The following GRIN2A variants were observed in gnomAD, a reference collection of about 807,000 sequenced individuals.
GRIN2A encodes the protein glutamate receptor ionotropic, NMDA 2A.
A neutral mutation model predicts 113.4 loss-of-function variants in GRIN2A; 22 were observed. The observed-to-expected ratio is 0.19, with a 90% CI of 0.14 to 0.28. The LOEUF is 0.28. Ranked by LOEUF, GRIN2A falls within the 10% of genes least tolerant of loss-of-function variation. The probability of loss-of-function intolerance (pLI) is 1.00; values close to 1 mark genes in which losing one functional copy is unlikely to be tolerated. For synonymous variants in GRIN2A, 827 were observed against 738.4 expected (o/e 1.12, Z -1.94); for missense variants, 1,502 against 1,887.0 (o/e 0.80, Z 3.78).
intron 3 of GRIN2A, among the ~76,000 whole-genome samples, chr16:9,910,405 T>C (rs1197783900): frequency 6.6e-6 from 1 of 151,898 alleles, no homozygotes; most frequent in Non-Finnish European, 1.5e-5. Context: ...TAAATGAAAG[T>C]AACAAAGAAA....
intron 5 of GRIN2A, 93 bp from the exon 6 acceptor site, chr16:9,841,197 T>A: frequency 9.0e-7 from 1 of 1,106,332 alleles, no homozygotes. Context: ...TTCAGATGAG[T>A]AAACTGAAGT....
At chr16:9,931,057 A>C (rs1386213856) in intron 3 of GRIN2A, among the ~76,000 whole-genome samples, 1 of 152,202 alleles carries the variant, frequency 6.6e-6, no homozygotes, top group Admixed American at 6.5e-5. Context: ...ACTTCCCTTC[A>C]ATACTAATTC....
At chr16:9,848,129 AAT>A (rs1054307076) in intron 5 of GRIN2A, among the ~76,000 whole-genome samples, 7 of 147,848 alleles carry the variant, frequency 4.7e-5, no homozygotes, top group Non-Finnish European at 7.5e-5. Context: ...TATATATAAA[AAT>A]AGTTTATATA....
At chr16:9,902,978 T>TGG (rs2043960592) in intron 3 of GRIN2A, among the ~76,000 whole-genome samples, 1 of 4,542 alleles carries the variant, frequency 2.2e-4, no homozygotes, top group Non-Finnish European at 4.6e-4. Flanking sequence ...GGTGGGGGGG[T>TGG]GGGTGGGGGT....
intron 2 of GRIN2A, among the ~76,000 whole-genome samples, chr16:10,052,345 C>T (rs1460524769): frequency 1.3e-5 from 2 of 152,198 alleles, no homozygotes; most frequent in African/African-American, 4.8e-5. Flanking sequence ...GACTGAGCCC[C>T]GTGGGCCAGT....
chr16:9,850,219 C>A (rs1316652154), intron 4 of GRIN2A, among the ~76,000 whole-genome samples: 1 of 152,180 alleles, frequency 6.6e-6, no homozygotes, highest in African/African-American at 2.4e-5. Flanking sequence ...GCACTGATAC[C>A]TTTACAGCCC....
In GRIN2A at chr16:9,754,767, G is replaced by T. The variant is rs1178688401; in HGVS notation, c.*8382C>A. The stretch of plus-strand genomic sequence containing the variant: ...TAGAAACTTCGATTGAATTCAAAAG[G>T]CTATGATTGTTTTTCATGGAAAAAA... On this transcript the variant is annotated 3_prime_UTR_variant, in exon 13 of 13. Transcript: ENST00000330684. 9.1e-6 allele frequency: 2 copies of T among 220,340 alleles called. No individual in the cohort carries two copies. Among genetic ancestry groups the T allele is most frequent in the East Asian group, 1.3e-4 (2 of 14,998 alleles). The allele number at this position is 220,340 out of a possible 1,614,324, so 13.6% of individuals were successfully genotyped here.
intron 2 of GRIN2A, among the ~76,000 whole-genome samples, chr16:10,014,705 A>G (rs2046569669): frequency 6.6e-6 from 1 of 152,190 alleles, no homozygotes; most frequent in Admixed American, 6.5e-5. Flanking sequence ...CATTACCAAG[A>G]AATGAGGGTG....
intron 2 of GRIN2A, among the ~76,000 whole-genome samples, chr16:10,134,322 A>T (rs1180204745): frequency 2.0e-5 from 3 of 152,062 alleles, no homozygotes; most frequent in Non-Finnish European, 4.4e-5. Context: ...CTGAGTAACC[A>T]GTCCTTTCTC....
intron 4 of GRIN2A, among the ~76,000 whole-genome samples, chr16:9,884,581 G>A (rs2043551887): frequency 1.3e-5 from 2 of 151,658 alleles, no homozygotes; most frequent in Admixed American, 6.6e-5. Context: ...AATAAACAAA[G>A]CTACTATAAC....
chr16:10,122,197 G>A (rs1249218761), intron 2 of GRIN2A, among the ~76,000 whole-genome samples: 2 of 152,176 alleles, frequency 1.3e-5, no homozygotes, highest in African/African-American at 2.4e-5. Context: ...TTGGCCATGA[G>A]TCAGAATGTA....
intron 3 of GRIN2A, among the ~76,000 whole-genome samples, chr16:9,915,347 A>C (rs982127168): frequency 1.3e-5 from 2 of 152,166 alleles, no homozygotes; most frequent in African/African-American, 4.8e-5. Flanking sequence ...ACTTGAATCA[A>C]GTCCACCACC....
Position 10,097,031 on chromosome 16 carries a change from A to C in GRIN2A, c.414+82967T>G, listed in dbSNP as rs755352968. Among the ~76,000 whole-genome samples, 91 of 152,346 alleles carry C rather than the reference A, an allele frequency of 6.0e-4. 1 individual carries two copies. Among genetic ancestry groups the C allele is most frequent in the East Asian group, 3.9e-4 (2 of 5,190 alleles). On this transcript the variant is annotated intron_variant, in intron 2 of 12. Coordinates refer to ENST00000330684, the MANE Select transcript of GRIN2A (RefSeq NM_001134407.3). ...TAAATAACATCAAGTCACATGGTGC[A>C]AAAGTTGCTCCCTTTCAAGTCTGTT... is the stretch of plus-strand genomic sequence containing the variant.
intron 2 of GRIN2A, among the ~76,000 whole-genome samples, chr16:9,965,888 T>C (rs926023513): frequency 6.6e-6 from 1 of 152,230 alleles, no homozygotes; most frequent in South Asian, 2.1e-4. Context: ...ATGTGTGGCC[T>C]CTTGGTTTGC....
intron 11 of GRIN2A, chr16:9,794,862 A>G (rs1902869448): frequency 6.6e-6 from 1 of 152,204 alleles, no homozygotes; most frequent in Non-Finnish European, 1.5e-5. Context: ...TGCCAGTGCA[A>G]CACTAAAGAA....
At chr16:9,982,592 C>T (rs1218633904) in intron 2 of GRIN2A, among the ~76,000 whole-genome samples, 1 of 152,190 alleles carries the variant, frequency 6.6e-6, no homozygotes, top group Admixed American at 6.5e-5. Flanking sequence ...CTAGCATCCT[C>T]CAAGGGTTAC....
Position 9,759,199 on chromosome 16 carries a change from A to T in GRIN2A, c.*3950T>A. Reference sequence around the variant, plus strand: ...TAGGTCTTAAACCGCAAGGGATTTCAGTACAAGGTACTTATTTATATGACA... The same window carrying T: ...TAGGTCTTAAACCGCAAGGGATTTCTGTACAAGGTACTTATTTATATGACA... On this transcript the variant is annotated 3_prime_UTR_variant, in exon 13 of 13. Coordinates refer to ENST00000330684, the MANE Select transcript of GRIN2A (RefSeq NM_001134407.3). 1 of 218,250 alleles carries T rather than the reference A, an allele frequency of 4.6e-6. No individual in the cohort carries two copies. The highest frequency in any genetic ancestry group is 9.2e-6 in the Non-Finnish European group (1 of 108,748). The allele number at this position is 218,250 out of a possible 1,614,324, so 13.5% of individuals were successfully genotyped here.
intron 2 of GRIN2A, among the ~76,000 whole-genome samples, chr16:10,076,514 C>T (rs2047875781): frequency 1.3e-5 from 2 of 152,120 alleles, no homozygotes; most frequent in African/African-American, 4.8e-5. Context: ...CCCTCCCACG[C>T]ACTAGGATCT....
intron 4 of GRIN2A, among the ~76,000 whole-genome samples, chr16:9,880,528 T>C (rs947991398): frequency 6.6e-6 from 1 of 152,188 alleles, no homozygotes. Context: ...AACTGAGAAG[T>C]CCTTTCTGCC....
Sources: gnomAD v4.1 joint callset for allele counts (sites outside exome capture counted in the v4.1 genomes callset) on GRCh38, gnomAD v4.1.1 for gene constraint, MANE v1.5 for transcripts, NCBI Gene and HGNC (gene_info 2026-07-23, HGNC 2026-07-21) for gene names.